The following HYDIN variants were observed in gnomAD, a reference collection of about 807,000 sequenced individuals.
HYDIN encodes HYDIN axonemal central pair apparatus protein.
Under a neutral mutation model 403.9 loss-of-function variants are expected in HYDIN, and 132 were observed. The ratio of observed to expected loss-of-function variants is 0.33; its 90% CI spans 0.28 to 0.38. The LOEUF (loss-of-function observed/expected upper bound fraction) is 0.38. Among genes scored for constraint, HYDIN ranks in the 10% least tolerant of loss-of-function variants. The pLI is 1.00. For missense variants in HYDIN, 2,827 were observed against 5,009.5 expected (o/e 0.56, Z 13.15); for synonymous variants, 1,202 against 1,891.7 (o/e 0.64, Z 9.46).
At chr16:71,137,716 G>A (rs2084985573) in intron 7 of HYDIN, among the ~76,000 whole-genome samples, 1 of 152,052 alleles carries the variant, frequency 6.6e-6, no homozygotes, top group Non-Finnish European at 1.5e-5. Flanking sequence ...GCTCATGCAT[G>A]AGCTTGATTT....
intron 13 of HYDIN, among the ~76,000 whole-genome samples, chr16:71,073,875 A>G (rs1156545271): frequency 6.6e-6 from 1 of 152,116 alleles, no homozygotes; most frequent in Non-Finnish European, 1.5e-5. Context: ...AGTCAACAGA[A>G]CTAATTATTT....
chr16:70,891,385 C>T (rs555977783), intron 57 of HYDIN, among the ~76,000 whole-genome samples: 1 of 152,264 alleles, frequency 6.6e-6, no homozygotes, highest in African/African-American at 2.4e-5. Context: ...GATGGGGTTT[C>T]ACCACATTGG....
intron 23 of HYDIN, among the ~76,000 whole-genome samples, chr16:70,993,952 T>C (rs1179354772): frequency 6.6e-6 from 1 of 152,168 alleles, no homozygotes; most frequent in African/African-American, 2.4e-5. Context: ...CTATATAATA[T>C]AGTAAATGAT....
chr16:71,052,314 C>T lies in HYDIN; in HGVS notation c.2529+8190G>A, dbSNP rs180735045. 2.7e-3 allele frequency among the ~76,000 whole-genome samples: 403 copies of T among 151,582 alleles called. 4 individuals are homozygous for T. The highest frequency in any genetic ancestry group is 9.0e-3 in the African/African-American group (372 of 41,288). On this transcript the variant is annotated intron_variant, in intron 18 of 85. Transcript: ENST00000393567. ...ACTGAGATAGATAAATGGGATATAA[C>T]AGAAAGCTCAGAAACCCACCTAGGC...
At chr16:70,966,717 T>C (rs1308203826) in intron 36 of HYDIN, among the ~76,000 whole-genome samples, 1 of 151,728 alleles carries the variant, frequency 6.6e-6, no homozygotes, top group Non-Finnish European at 1.5e-5. Context: ...TCTTCAAAAG[T>C]CACAGATAAA....
intron 5 of HYDIN, among the ~76,000 whole-genome samples, chr16:71,165,285 AG>A (rs1407624784): frequency 3.3e-5 from 5 of 151,538 alleles, no homozygotes; most frequent in Non-Finnish European, 7.4e-5. Flanking sequence ...TCCCCTTCAG[AG>A]CCTTTGCACA....
At chr16:71,065,598 A>G (rs558243119) in intron 15 of HYDIN, among the ~76,000 whole-genome samples, 1 of 152,350 alleles carries the variant, frequency 6.6e-6, no homozygotes, top group South Asian at 2.1e-4. Context: ...CCAGCTTCAA[A>G]GACTGACCTT....
intron 36 of HYDIN, among the ~76,000 whole-genome samples, chr16:70,966,153 T>C (rs2078566407): frequency 6.6e-6 from 1 of 152,028 alleles, no homozygotes; most frequent in Non-Finnish European, 1.5e-5. Flanking sequence ...TGCCATCTCA[T>C]CACAGTTCAT....
chr16:70,957,297 G>A (rs149948014), intron 39 of HYDIN, among the ~76,000 whole-genome samples: 2,058 of 150,066 alleles, frequency 0.014, 39 homozygotes, highest in African/African-American at 0.048. Flanking sequence ...AGGTTCTTCC[G>A]TGTTGTAGCA....
In HYDIN at chr16:70,868,588, A is replaced by G. The variant is rs759349500; in HGVS notation, c.11292T>C (p.Thr3764=). Residue 3764 remains threonine (T), a synonymous_variant, in exon 66 of 86, where the codon ACT becomes ACC. Coordinates refer to ENST00000393567, the MANE Select transcript of HYDIN (RefSeq NM_001270974.2). ...CACTTACTTTTCGTTTTGTAGTGAA[A>G]GTCCCAGGCATGTTTCTGGGTACGT... ...WVDVPRNMPG[T]FTTKRKVIET... The G allele has an allele frequency of 1.1e-5, 17 of 1,612,102 alleles. No homozygotes were observed. In the Admixed American group the frequency reaches 1.2e-4, roughly 11 times the overall value.
intron 37 of HYDIN, among the ~76,000 whole-genome samples, chr16:70,964,244 C>T (rs1321614113): frequency 6.7e-6 from 1 of 149,778 alleles, no homozygotes; most frequent in African/African-American, 2.4e-5. Context: ...TGTGAATGCC[C>T]ACCCCCTGCT....
At chr16:70,821,435 T>C (rs1194432525) in intron 83 of HYDIN, among the ~76,000 whole-genome samples, 1 of 151,884 alleles carries the variant, frequency 6.6e-6, no homozygotes, top group African/African-American at 2.4e-5. Flanking sequence ...TATTTCACTC[T>C]CAGTTTTAAA....
At position 70,958,436 on chromosome 16, in the gene HYDIN, T is replaced by C. The variant is rs535921969; in HGVS notation, c.6142+1211A>G. 2.8e-3 allele frequency among the ~76,000 whole-genome samples: 423 copies of C among 152,328 alleles called. 1 individual carries two copies. The highest frequency in any genetic ancestry group is 4.9e-3 in the Non-Finnish European group (330 of 68,040). On this transcript the variant is annotated intron_variant, in intron 39 of 85. Coordinates refer to ENST00000393567, the MANE Select transcript of HYDIN (RefSeq NM_001270974.2). ...CACTAGAACAGAGCTGGTGGCTCTT[T>C]CCAGGTCAGTGCCTTTTTGGTGTTA...
intron 1 of HYDIN, among the ~76,000 whole-genome samples, chr16:71,199,992 T>C (rs542992223): frequency 8.5e-5 from 13 of 152,262 alleles, no homozygotes; most frequent in South Asian, 6.2e-4. Context: ...CATAAAGACC[T>C]TGCTAATAAA....
intron 1 of HYDIN, among the ~76,000 whole-genome samples, chr16:71,191,476 A>T (rs1312723964): frequency 1.3e-5 from 2 of 152,144 alleles, no homozygotes; most frequent in African/African-American, 4.8e-5. Context: ...TAAAAAAAAA[A>T]TTGAAAAATT....
At position 70,837,855 on chromosome 16, in the gene HYDIN, G is replaced by C; in HGVS notation, c.13077C>G (p.Leu4359=). 1 of 1,613,904 alleles carries C rather than the reference G, an allele frequency of 6.2e-7. No homozygotes were observed. The highest frequency in any genetic ancestry group is 1.1e-5 in the South Asian group (1 of 91,060). The part of the protein sequence containing the change: ...IDCLYTNTTH[L]EVNSRVDVVK... ...CCACATCAACACGGGAGTTCACCTC[G>C]AGGTGAGTGGTGTTGGTGTACAGAC... Residue 4359 remains leucine, a synonymous_variant, in exon 77 of 86, where the codon CTC becomes CTG. Coordinates refer to ENST00000393567, the MANE Select transcript of HYDIN (RefSeq NM_001270974.2).
chr16:70,947,257 T>C (rs1279425947), intron 41 of HYDIN, among the ~76,000 whole-genome samples: 53 of 150,050 alleles, frequency 3.5e-4, no homozygotes, highest in Admixed American at 1.7e-3. Flanking sequence ...GAAGGGTTGT[T>C]GAATTTTGTC....
At chr16:71,034,398 A>C (rs1356975397) in intron 18 of HYDIN, among the ~76,000 whole-genome samples, 1 of 152,174 alleles carries the variant, frequency 6.6e-6, no homozygotes, top group East Asian at 1.9e-4. Flanking sequence ...GATTGAAAGC[A>C]AGAGTTAGAG....
At chr16:71,043,873 C>T (rs1314498831) in intron 18 of HYDIN, among the ~76,000 whole-genome samples, 1 of 150,030 alleles carries the variant, frequency 6.7e-6, no homozygotes, top group Admixed American at 6.7e-5. Context: ...AGGATTATTT[C>T]AGCCCAGGAG....
Sources: gnomAD v4.1 joint callset for allele counts (sites outside exome capture counted in the v4.1 genomes callset) on GRCh38, gnomAD v4.1.1 for gene constraint, MANE v1.5 for transcripts, NCBI Gene and HGNC (gene_info 2026-07-23, HGNC 2026-07-21) for gene names.